Variants in EDAR observed in about 807,000 individuals in gnomAD.
The protein encoded by EDAR is ectodysplasin A receptor.
EDAR carries 38 observed loss-of-function variants against 51.3 expected under a neutral mutation model. The ratio of observed to expected loss-of-function variants is 0.74; its 90% CI spans 0.57 to 0.97. The LOEUF (loss-of-function observed/expected upper bound fraction) is 0.97, where lower values mean the gene tolerates loss of function less well. Ranked by LOEUF, EDAR falls within the 50% of genes least tolerant of loss-of-function variation. The pLI is 0.00. For missense variants in EDAR, 528 were observed against 595.0 expected, an observed-to-expected ratio of 0.89 and a Z score of 1.17; for synonymous variants, 227 against 242.1, an observed-to-expected ratio of 0.94 and a Z score of 0.58.
intron 2 of EDAR, among the ~76,000 whole-genome samples, chr2:108,930,461 C>T (rs1311230880): frequency 1.3e-5 from 2 of 152,088 alleles, no homozygotes; most frequent in East Asian, 1.9e-4. Context: ...ACTAGAACCA[C>T]CCTGCCTCAC....
Position 108,979,467 on chromosome 2 carries a change from T to TCTCA in EDAR, c.-19+9492_-19+9493insTGAG, listed in dbSNP as rs1159379988. On this transcript the variant is annotated intron_variant, in intron 1 of 11. Transcript: ENST00000258443. ...CTCTCTGTCTCTGTCTCTCTCTCTC[T>TCTCA]CACACACACACACACACACACACAC... Among the ~76,000 whole-genome samples the TCTCA allele has an allele frequency of 4.0e-3, 589 of 147,194 alleles. 3 individuals are homozygous for TCTCA. Among genetic ancestry groups the TCTCA allele is most frequent in the Middle Eastern group, 0.011 (3 of 282 alleles).
At chr2:108,924,997 A>T (rs1416429654) in intron 4 of EDAR, among the ~76,000 whole-genome samples, 1 of 151,392 alleles carries the variant, frequency 6.6e-6, no homozygotes, top group East Asian at 1.9e-4. Flanking sequence ...TCCCCATCTC[A>T]CCTCCTCTGT....
intron 1 of EDAR, among the ~76,000 whole-genome samples, chr2:108,956,037 A>G (rs1697919046): frequency 6.6e-6 from 1 of 152,168 alleles, no homozygotes; most frequent in Admixed American, 6.5e-5. Context: ...TCAAAAAAAT[A>G]AAATAAATAA....
At chr2:108,954,555 C>T (rs556344843) in intron 1 of EDAR, among the ~76,000 whole-genome samples, 23 of 152,306 alleles carry the variant, frequency 1.5e-4, no homozygotes, top group South Asian at 1.5e-3. Context: ...TCTTAGTCAA[C>T]GCTCATCCCA....
intron 1 of EDAR, among the ~76,000 whole-genome samples, chr2:108,985,387 CG>C (rs1363493425): frequency 2.6e-5 from 4 of 152,306 alleles, no homozygotes; most frequent in Non-Finnish European, 5.9e-5. Flanking sequence ...TCTGATTGAC[CG>C]TGAAGTGAGT....
intron 1 of EDAR, among the ~76,000 whole-genome samples, chr2:108,972,400 C>T (rs1322974113): frequency 7.9e-5 from 12 of 152,222 alleles, no homozygotes; most frequent in East Asian, 3.9e-4. Context: ...TCCTTCCTCA[C>T]GGGCCCTGGA....
intron 1 of EDAR, among the ~76,000 whole-genome samples, chr2:108,950,898 C>T (rs1558828281): frequency 6.6e-6 from 1 of 152,218 alleles, no homozygotes; most frequent in African/African-American, 2.4e-5. Context: ...TTAACCAGGC[C>T]CCCAGGAAGG....
At chr2:108,900,289 C>T (rs1267621073) in intron 11 of EDAR, among the ~76,000 whole-genome samples, 1 of 152,194 alleles carries the variant, frequency 6.6e-6, no homozygotes, top group Non-Finnish European at 1.5e-5. Flanking sequence ...GGCCTGGTGG[C>T]TCATGCCTGT....
At chr2:108,979,399 C>T (rs1163053563) in intron 1 of EDAR, among the ~76,000 whole-genome samples, 1 of 152,024 alleles carries the variant, frequency 6.6e-6, no homozygotes, top group Non-Finnish European at 1.5e-5. Flanking sequence ...CTGGTCCAAG[C>T]CCCATCCCAA....
intron 5 of EDAR, among the ~76,000 whole-genome samples, chr2:108,913,079 A>G (rs1201954141): frequency 6.6e-6 from 1 of 151,366 alleles, no homozygotes; most frequent in Non-Finnish European, 1.5e-5. Flanking sequence ...CTCCCAAGTA[A>G]CTGGGACTAC....
chr2:108,906,238 G>A, intron 11 of EDAR, 70 bp downstream of exon 11: 1 of 1,549,472 alleles, frequency 6.5e-7, no homozygotes, highest in Non-Finnish European at 8.9e-7. Context: ...AGGAGCCTCA[G>A]GGCTCCGGGC....
intron 4 of EDAR, among the ~76,000 whole-genome samples, chr2:108,924,015 C>T (rs1228827227): frequency 6.6e-6 from 1 of 152,254 alleles, no homozygotes; most frequent in Non-Finnish European, 1.5e-5. Context: ...TGCAGGTGGC[C>T]CTCATGATAG....
rs1696597612 is a variant in EDAR at position 108,896,631 on chromosome 2, A to C, written c.*276T>G. ...CATTGTCTCATTGTTCAGTGAGTTA[A>C]TGGTGGGCTGGTGGGCTGGCTGTAT... On this transcript the variant is annotated 3_prime_UTR_variant, in exon 12 of 12. Coordinates refer to ENST00000258443, the MANE Select transcript of EDAR (RefSeq NM_022336.4). The C allele has an allele frequency of 2.1e-6, 1 of 470,626 alleles. No individual in the cohort carries two copies. Among genetic ancestry groups the C allele is most frequent in the Non-Finnish European group, 3.8e-6 (1 of 259,974 alleles). The allele number at this position is 470,626 out of a possible 1,614,324, so 29.2% of individuals were successfully genotyped here. A position where few individuals can be genotyped will look rare whatever the true frequency, so the allele number is the denominator to read the frequency against.
intron 4 of EDAR, among the ~76,000 whole-genome samples, chr2:108,928,045 C>T (rs540336465): frequency 1.3e-5 from 2 of 152,258 alleles, no homozygotes; most frequent in Admixed American, 6.5e-5. Context: ...CAGCAGTCTG[C>T]GTGTTGACCT....
intron 11 of EDAR, among the ~76,000 whole-genome samples, chr2:108,900,550 CA>C (rs1216281451): frequency 5.7e-5 from 4 of 69,568 alleles, no homozygotes; most frequent in Admixed American, 1.9e-4. Context: ...GTGGAAACTC[CA>C]AAAAAAAAGA....
At chr2:108,980,794 G>A (rs964797003) in intron 1 of EDAR, among the ~76,000 whole-genome samples, 4 of 152,156 alleles carry the variant, frequency 2.6e-5, no homozygotes, top group East Asian at 1.9e-4. Flanking sequence ...GTGGGGTCAC[G>A]GTGTCACTGG....
chr2:108,968,612 G>C (rs540746010), intron 1 of EDAR, among the ~76,000 whole-genome samples: 28 of 152,338 alleles, frequency 1.8e-4, no homozygotes, highest in Non-Finnish European at 3.1e-4. Context: ...CACAGGCATG[G>C]TGTTCTCTTT....
chr2:108,962,205 C>T (rs1015783623), intron 1 of EDAR, among the ~76,000 whole-genome samples: 3 of 152,208 alleles, frequency 2.0e-5, no homozygotes, highest in Non-Finnish European at 4.4e-5. Context: ...TTGCAGATTG[C>T]GCTGAGATGC....
intron 5 of EDAR, among the ~76,000 whole-genome samples, chr2:108,916,693 G>A (rs1697034704): frequency 6.6e-6 from 1 of 152,284 alleles, no homozygotes; most frequent in South Asian, 2.1e-4. Context: ...CTCTGAGCAC[G>A]TGTGCGCAGC....
Sources: gnomAD v4.1 joint callset for allele counts (sites outside exome capture counted in the v4.1 genomes callset) on GRCh38, gnomAD v4.1.1 for gene constraint, MANE v1.5 for transcripts, NCBI Gene and HGNC (gene_info 2026-07-23, HGNC 2026-07-21) for gene names.